Variants in DLG2 observed in about 807,000 individuals in gnomAD.
The protein encoded by DLG2 is disks large homolog 2.
DLG2 carries 45 observed loss-of-function variants against 132.5 expected under a neutral mutation model. That is an observed-to-expected ratio of 0.34 (90% CI 0.27 to 0.44). The LOEUF is 0.44. Among genes scored for constraint, DLG2 ranks in the 20% least tolerant of loss-of-function variants. The pLI is 1.00. For missense variants in DLG2, 1,045 were observed against 1,196.9 expected (o/e 0.87, Z 1.87); for synonymous variants, 424 against 419.6 (o/e 1.01, Z -0.13).
intron 6 of DLG2, among the ~76,000 whole-genome samples, chr11:85,083,408 A>G (rs143194552): frequency 1.1e-3 from 169 of 152,248 alleles, no homozygotes; most frequent in African/African-American, 3.9e-3. Context: ...GTAAACCAAA[A>G]GTATCTGAGA....
Position 84,958,609 on chromosome 11 carries a change from G to A in DLG2, c.357+153052C>T, listed in dbSNP as rs1342203182. The stretch of plus-strand genomic sequence containing the variant: ...CTCAGTATACAGCCAGAAAGACACA[G>A]ACGTGTCTTAGGGGAAGTAGGAATT... On this transcript the variant is annotated intron_variant, in intron 6 of 27. Transcript: ENST00000376104. Among the ~76,000 whole-genome samples the A allele has an allele frequency of 2.0e-5, 3 of 152,116 alleles. No individual in the cohort carries two copies. In the East Asian group the frequency reaches 5.8e-4, roughly 29 times the overall value.
Position 83,459,885 on chromosome 11 carries a change from T to G in DLG2, c.2861A>C (p.Gln954Pro). 6.2e-7 allele frequency: 1 copy of G among 1,610,114 alleles called. No homozygotes were observed. The highest frequency in any genetic ancestry group is 8.5e-7 in the Non-Finnish European group (1 of 1,176,372). ...TTGCTCTTCAATAACAAGCTTGCAT[T>G]GGTTATATATATCTTCTAAAGTATC... Reference protein sequence around the residue: ...QGDTLEDIYNQCKLVIEEQSG... With the variant: ...QGDTLEDIYNPCKLVIEEQSG... The change falls in exon 28 of 28, where the codon CAA becomes CCA. Residue 954 changes from glutamine (Q) to proline (P), a missense_variant. This residue lies in a region of DLG2 where 398 missense variants were observed against 543.6 expected (regional missense o/e 0.73). Transcript: ENST00000376104.
At chr11:84,782,904 C>A (rs138184688) in intron 6 of DLG2, among the ~76,000 whole-genome samples, 120 of 152,258 alleles carry the variant, frequency 7.9e-4, no homozygotes, top group African/African-American at 2.9e-3. Flanking sequence ...GCGTACCTTT[C>A]TGGCAGTCCT....
intron 6 of DLG2, among the ~76,000 whole-genome samples, chr11:84,913,507 G>A (rs1018293330): frequency 1.3e-5 from 2 of 152,028 alleles, no homozygotes; most frequent in African/African-American, 4.8e-5. Flanking sequence ...TTTTCAAAAA[G>A]AGAATAAAAA....
chr11:85,093,750 G>T (rs349089), intron 6 of DLG2, among the ~76,000 whole-genome samples: 1 of 151,996 alleles, frequency 6.6e-6, no homozygotes, highest in Non-Finnish European at 1.5e-5. Context: ...CCCCCGACTG[G>T]GTCCCTCACA....
In DLG2 at chr11:84,996,649, C is replaced by T. The variant is rs774657263; in HGVS notation, c.357+115012G>A. 7.9e-5 allele frequency among the ~76,000 whole-genome samples: 12 copies of T among 152,192 alleles called. No homozygotes were observed. The East Asian group carries it at 1.9e-3, about 24-fold the overall frequency. ...TACAAAATCCAATTTTAGAAAAATA[C>T]TAATCTAATGTGGGGTAGTTTTTTT... On this transcript the variant is annotated intron_variant, in intron 6 of 27. Coordinates refer to ENST00000376104, the MANE Select transcript of DLG2 (RefSeq NM_001142699.3).
chr11:83,692,271 A>G (rs939145170), intron 18 of DLG2, among the ~76,000 whole-genome samples: 8 of 152,380 alleles, frequency 5.3e-5, no homozygotes, highest in Admixed American at 5.2e-4. Flanking sequence ...ATGGAGTTCA[A>G]TGATGAGCAG....
intron 7 of DLG2, among the ~76,000 whole-genome samples, chr11:84,287,197 C>T (rs909587973): frequency 1.3e-5 from 2 of 152,166 alleles, no homozygotes; most frequent in African/African-American, 4.8e-5. Flanking sequence ...TTAGTAAGCT[C>T]TGCCCATATC....
intron 6 of DLG2, among the ~76,000 whole-genome samples, chr11:84,695,729 G>C (rs1173338796): frequency 6.6e-6 from 1 of 151,402 alleles, no homozygotes; most frequent in African/African-American, 2.4e-5. Context: ...ACACATCTCT[G>C]CTTAAAATCT....
At chr11:83,626,964 C>T (rs1395633877) in intron 19 of DLG2, among the ~76,000 whole-genome samples, 1 of 151,360 alleles carries the variant, frequency 6.6e-6, no homozygotes, top group African/African-American at 2.4e-5. Flanking sequence ...GTCTATCCTT[C>T]TTCCTTTGCT....
chr11:85,607,895 T>C (rs966609374), intron 2 of DLG2, among the ~76,000 whole-genome samples: 1 of 152,188 alleles, frequency 6.6e-6, no homozygotes, highest in Non-Finnish European at 1.5e-5. Context: ...AGGACATGGG[T>C]AAAATCCCAA....
intron 2 of DLG2, among the ~76,000 whole-genome samples, chr11:85,626,113 AAAT>A (rs1237381776): frequency 1.3e-5 from 2 of 152,248 alleles, no homozygotes; most frequent in Admixed American, 1.3e-4. Context: ...GAATAAATCC[AAAT>A]AATAAGTCTA....
chr11:84,793,951 G>A (rs1565979434), intron 6 of DLG2, among the ~76,000 whole-genome samples: 1 of 151,966 alleles, frequency 6.6e-6, no homozygotes, highest in Non-Finnish European at 1.5e-5. Context: ...TTGTTTTTGG[G>A]TTGTTTTGTG....
At chr11:83,595,099 A>G (rs1007413174) in intron 19 of DLG2, among the ~76,000 whole-genome samples, 1 of 151,546 alleles carries the variant, frequency 6.6e-6, no homozygotes, top group South Asian at 2.1e-4. Context: ...TCAGAGCAAA[A>G]AATCTTTACA....
At chr11:85,240,133 C>A (rs1346622784) in intron 4 of DLG2, among the ~76,000 whole-genome samples, 3 of 151,724 alleles carry the variant, frequency 2.0e-5, no homozygotes, top group Non-Finnish European at 4.4e-5. Flanking sequence ...TTGCTTTTGC[C>A]TGATTATAAA....
intron 11 of DLG2, among the ~76,000 whole-genome samples, chr11:83,994,852 C>T (rs988879749): frequency 3.9e-5 from 6 of 152,120 alleles, no homozygotes; most frequent in African/African-American, 1.2e-4. Flanking sequence ...CTATTCCATG[C>T]CCCTCTTCTG....
At chr11:84,524,385 T>C (rs1343475763) in intron 7 of DLG2, among the ~76,000 whole-genome samples, 1 of 152,208 alleles carries the variant, frequency 6.6e-6, no homozygotes, top group East Asian at 1.9e-4. Context: ...CAGTTAAAGA[T>C]AATTGAGGAA....
chr11:84,999,733 T>C lies in DLG2; in HGVS notation c.357+111928A>G, dbSNP rs138563086. On this transcript the variant is annotated intron_variant, in intron 6 of 27. Transcript: ENST00000376104. ...ATGTTCGCATCATCAAATTGATTAC[T>C]GGCAGGAATAGGGTTTCAATTTAGC... Among the ~76,000 whole-genome samples the C allele has an allele frequency of 1.2e-4, 18 of 152,258 alleles. 1 individual carries two copies. The highest frequency in any genetic ancestry group is 8.5e-4 in the Admixed American group (13 of 15,272).
intron 6 of DLG2, among the ~76,000 whole-genome samples, chr11:84,858,537 T>G (rs1372629187): frequency 6.6e-6 from 1 of 152,110 alleles, no homozygotes; most frequent in Non-Finnish European, 1.5e-5. Flanking sequence ...AACTTCCCAA[T>G]TGTCTCATAT....
Sources: gnomAD v4.1 joint callset for allele counts (sites outside exome capture counted in the v4.1 genomes callset) on GRCh38, gnomAD v4.1.1 for gene constraint, gnomAD v4.1.1 regional missense constraint, MANE v1.5 for transcripts, NCBI Gene and HGNC (gene_info 2026-07-23, HGNC 2026-07-21) for gene names.